TSC22D3: variants seen among roughly 807,000 people sequenced by gnomAD.
TSC22D3 encodes TSC22 domain family member 3.
A neutral mutation model predicts 11.1 loss-of-function variants in TSC22D3; 4 were observed. That is an observed-to-expected ratio of 0.36 (90% CI 0.18 to 0.83). TSC22D3 has a LOEUF of 0.83. TSC22D3 is among the 40% of genes least tolerant of loss of function. The pLI, the probability that TSC22D3 is intolerant of heterozygous loss-of-function variation, is 0.48. For synonymous variants in TSC22D3, 77 were observed against 70.3 expected, an observed-to-expected ratio of 1.10 and a Z score of -0.48; for missense variants, 118 against 159.4, an observed-to-expected ratio of 0.74 and a Z score of 1.40.
chrX:107,747,396 C>T (rs1253594456), intron 1 of TSC22D3, among the ~76,000 whole-genome samples: 1 of 112,418 alleles, frequency 8.9e-6, no homozygotes, highest in Non-Finnish European at 1.9e-5. Flanking sequence ...GTGGGTCTGT[C>T]AGATCTAAGC....
intron 1 of TSC22D3, chrX:107,716,314 C>T (rs1191744944): frequency 1.2e-5 from 11 of 920,426 alleles, no homozygotes; most frequent in African/African-American, 2.1e-5. Flanking sequence ...GGCAAACCTA[C>T]CCGGCTCTGA....
At chrX:107,719,703 A>G (rs978002696) in intron 1 of TSC22D3, among the ~76,000 whole-genome samples, 4 of 111,461 alleles carry the variant, frequency 3.6e-5, no homozygotes, top group Non-Finnish European at 7.5e-5. Context: ...GAGTTGAGGA[A>G]GTTGGTAGGG....
intron 1 of TSC22D3, chrX:107,717,136 T>C: frequency 1.2e-6 from 1 of 844,643 alleles, no homozygotes; most frequent in South Asian, 3.8e-5. Flanking sequence ...GCCATGCAAA[T>C]GAGTCCTGTA....
chrX:107,742,788 A>C (rs73636314), intron 1 of TSC22D3, among the ~76,000 whole-genome samples: 2,616 of 111,666 alleles, frequency 0.023, 71 homozygotes, highest in African/African-American at 0.08. Context: ...TAACCAGCCC[A>C]CGCACGTCCT....
intron 1 of TSC22D3, among the ~76,000 whole-genome samples, chrX:107,742,281 A>AAGAGAGAGAG (rs764889060): frequency 4.9e-4 from 28 of 56,814 alleles, no homozygotes; most frequent in African/African-American, 1.4e-3. Flanking sequence ...GAGAGAGAGA[A>AAGAGAGAGAG]AGAGAGAGAG....
chrX:107,775,302 G>C lies in TSC22D3; in HGVS notation c.118C>G (p.Pro40Ala), dbSNP rs1198783868. 1 of 1,210,304 alleles carries C rather than the reference G, an allele frequency of 8.3e-7. No homozygotes were observed. Among genetic ancestry groups the C allele is most frequent in the African/African-American group, 1.7e-5 (1 of 57,300 alleles). ...QRGSSGENNN[P>A]GSPTVSNFRQ... ...AAGTTGCTCACTGTAGGGCTGCCCG[G>C]GTTGTTGTTCTCCCCGCTGCTGCCT... Residue 40 changes from proline (P) to alanine (A), a missense_variant, in exon 1 of 3, where the codon CCG becomes GCG. Physicochemically the swap from Pro to Ala is conservative, Grantham distance 27 (BLOSUM62 -1). Transcript: ENST00000372383.
chrX:107,765,173 G>T (rs192990238), intron 1 of TSC22D3, among the ~76,000 whole-genome samples: 1 of 111,861 alleles, frequency 8.9e-6, no homozygotes, highest in South Asian at 3.7e-4. Context: ...GCTTTCCATC[G>T]TGCCAAAGCC....
At chrX:107,725,152 G>A (rs193269104) in intron 1 of TSC22D3, among the ~76,000 whole-genome samples, 5 of 112,656 alleles carry the variant, frequency 4.4e-5, no homozygotes, top group South Asian at 7.3e-4. Flanking sequence ...GAATGAGAAC[G>A]CCTTCTTTTC....
chrX:107,764,821 C>T (rs1929591107), intron 1 of TSC22D3, among the ~76,000 whole-genome samples: 2 of 111,717 alleles, frequency 1.8e-5, no homozygotes, highest in Non-Finnish European at 3.8e-5. Flanking sequence ...GACTGCACCC[C>T]TTGGTTCTAC....
At chrX:107,774,966 G>A in intron 1 of TSC22D3, 134 bp downstream of exon 1, 1 of 732,542 alleles carries the variant, frequency 1.4e-6, no homozygotes, top group Non-Finnish European at 2.0e-6. Flanking sequence ...TCAAGGTCCA[G>A]TCACTGTAGC....
chrX:107,745,663 A>G (rs1455200059), intron 1 of TSC22D3, among the ~76,000 whole-genome samples: 1 of 112,776 alleles, frequency 8.9e-6, no homozygotes, highest in Non-Finnish European at 1.9e-5. Context: ...CCTGCGACCT[A>G]TATTATAGCT....
intron 1 of TSC22D3, among the ~76,000 whole-genome samples, chrX:107,763,684 C>A (rs1329141368): frequency 8.9e-6 from 1 of 111,809 alleles, no homozygotes; most frequent in Non-Finnish European, 1.9e-5. Context: ...GAAAAGAAAA[C>A]CCAGACAACC....
At chrX:107,749,959 G>A (rs182933394) in intron 1 of TSC22D3, among the ~76,000 whole-genome samples, 1 of 112,122 alleles carries the variant, frequency 8.9e-6, no homozygotes. Context: ...TGGGGTTGCA[G>A]CTTTAGCAAT....
intron 1 of TSC22D3, among the ~76,000 whole-genome samples, chrX:107,763,337 A>C (rs1929524725): frequency 1.8e-5 from 2 of 110,975 alleles, no homozygotes; most frequent in South Asian, 3.8e-4. Flanking sequence ...CTGACACTTC[A>C]CAATCAGATT....
intron 1 of TSC22D3, among the ~76,000 whole-genome samples, chrX:107,727,071 C>T (rs1188518784): frequency 9.0e-6 from 1 of 111,375 alleles, no homozygotes; most frequent in African/African-American, 3.3e-5. Context: ...TCTTGGGGCA[C>T]CGGGGACTCA....
At chrX:107,748,668 C>T (rs1345745022) in intron 1 of TSC22D3, among the ~76,000 whole-genome samples, 1 of 111,846 alleles carries the variant, frequency 8.9e-6, no homozygotes, top group Admixed American at 9.5e-5. Flanking sequence ...TTAGCAAACT[C>T]TTCAGAAAGG....
chrX:107,764,822 T>G (rs1929591290), intron 1 of TSC22D3, among the ~76,000 whole-genome samples: 1 of 111,583 alleles, frequency 9.0e-6, no homozygotes, highest in Non-Finnish European at 1.9e-5. Context: ...ACTGCACCCC[T>G]TGGTTCTACC....
chrX:107,724,378 C>A lies in TSC22D3; in HGVS notation c.321-8428G>T, dbSNP rs746983644. ...GAAGGGCTTAAGGAAGGTCTCCTGG[C>A]CTGGTTTGAGAATCACTGACAAGGA... On this transcript the variant is annotated intron_variant, in intron 1 of 2. Transcript: ENST00000372383. Among the ~76,000 whole-genome samples, 4 of 113,251 alleles carry A rather than the reference C, an allele frequency of 3.5e-5. No homozygotes were observed. In the South Asian group the frequency reaches 1.1e-3, roughly 31 times the overall value.
At chrX:107,714,810 C>T (rs1926924782) in intron 2 of TSC22D3, 61 bp from the exon 3 acceptor site, 3 of 1,084,310 alleles carry the variant, frequency 2.8e-6, no homozygotes, top group Non-Finnish European at 3.8e-6. Flanking sequence ...TCTGCAGCAC[C>T]TTTGCTCTGT....
Sources: allele counts gnomAD v4.1 joint callset (sites outside exome capture counted in the v4.1 genomes callset), GRCh38; gene constraint gnomAD v4.1.1; transcripts MANE v1.5; gene names NCBI Gene and HGNC (gene_info 2026-07-23, HGNC 2026-07-21).